The following ABHD5 variants were observed in gnomAD, a reference collection of about 807,000 sequenced individuals.
ABHD5 encodes 1-acylglycerol-3-phosphate O-acyltransferase ABHD5.
In ABHD5, 30 loss-of-function variants were observed where a neutral mutation model predicts 44.9. The observed-to-expected ratio is 0.67, with a 90% confidence interval of 0.50 to 0.91. The LOEUF is 0.91. ABHD5 is among the 40% of genes least tolerant of loss of function. The pLI, the probability that ABHD5 is intolerant of heterozygous loss-of-function variation, is 0.00. For synonymous variants in ABHD5, 167 were observed against 147.0 expected, an observed-to-expected ratio of 1.14 and a Z score of -0.99; for missense variants, 399 against 423.4, an observed-to-expected ratio of 0.94 and a Z score of 0.50.
chr3:43,715,085 C>CTGTGTGTGTGTGTGTGTGTGTG (rs10662733), intron 5 of ABHD5, 27 bp downstream of exon 5: 5 of 846,842 alleles, frequency 5.9e-6, no homozygotes, highest in African/African-American at 1.8e-5. Context: ...TCAATTCACT[C>CTGTGTGTGTGTGTGTGTGTGTG]TGTGTGTGTG....
In ABHD5 at chr3:43,702,916, C is replaced by T. The variant is rs17075884; in HGVS notation, c.506+329C>T. 0.086 allele frequency among the ~76,000 whole-genome samples: 13,119 copies of T among 152,160 alleles called. 791 individuals are homozygous for T. The highest frequency in any genetic ancestry group is 0.21 in the South Asian group (1,033 of 4,820). The stretch of plus-strand genomic sequence containing the variant: ...TTAAACCTATGAATCCAGCAGGCTT[C>T]GTCTAATGTTTTCTAAGTTATAGTA... On this transcript the variant is annotated intron_variant, in intron 3 of 6. Coordinates refer to ENST00000644371, the MANE Select transcript of ABHD5 (RefSeq NM_016006.6).
chr3:43,730,007 G>A (rs1478198877), intron 7 of ABHD5, among the ~76,000 whole-genome samples: 1 of 152,210 alleles, frequency 6.6e-6, no homozygotes, highest in African/African-American at 2.4e-5. Flanking sequence ...GCAGGAGGTG[G>A]CATTTGAAAT....
chr3:43,731,559 C>T (rs1359811715), intron 7 of ABHD5, among the ~76,000 whole-genome samples: 5 of 152,202 alleles, frequency 3.3e-5, no homozygotes, highest in Admixed American at 6.5e-5. Flanking sequence ...GGGCCGGGTG[C>T]GGTGGCTCAC....
rs997016343 is a variant in ABHD5, at chr3:43,719,228, G to A, written c.*696G>A. ...TAACTCCTTGGAACCTCCTATGTGT[G>A]GTATAATTCTACTCTTCCAAGGAAC... On this transcript the variant is annotated 3_prime_UTR_variant, in exon 7 of 7. Transcript: ENST00000644371. 6.6e-6 allele frequency: 1 copy of A among 152,228 alleles called. No homozygotes were observed. Among genetic ancestry groups the A allele is most frequent in the African/African-American group, 2.4e-5 (1 of 41,420 alleles). The allele number at this position is 152,228 out of a possible 1,614,324, so 9.4% of individuals were successfully genotyped here. A position where few individuals can be genotyped will look rare whatever the true frequency, so the allele number is the denominator to read the frequency against.
At chr3:43,708,956 A>G (rs2084655284) in intron 3 of ABHD5, among the ~76,000 whole-genome samples, 1 of 152,248 alleles carries the variant, frequency 6.6e-6, no homozygotes, top group Non-Finnish European at 1.5e-5. Context: ...TATTTTAAAA[A>G]AGACTAGACT....
At chr3:43,700,829 C>T (rs1358833101) in intron 2 of ABHD5, among the ~76,000 whole-genome samples, 1 of 152,146 alleles carries the variant, frequency 6.6e-6, no homozygotes, top group East Asian at 1.9e-4. Context: ...CTGCCTCGGC[C>T]TCCCAAAGTG....
chr3:43,724,177 G>A (rs1036199237), downstream of ABHD5, among the ~76,000 whole-genome samples: 5 of 152,126 alleles, frequency 3.3e-5, no homozygotes, highest in African/African-American at 1.2e-4. Flanking sequence ...AATAGGAAAA[G>A]AGATTGGATA....
downstream of ABHD5, among the ~76,000 whole-genome samples, chr3:43,725,615 T>G (rs1442637369): frequency 1.3e-5 from 2 of 152,170 alleles, no homozygotes; most frequent in Non-Finnish European, 2.9e-5. Flanking sequence ...TTTTAAAAAA[T>G]TAAAATATTG....
chr3:43,724,751 A>C (rs1559422873), downstream of ABHD5, among the ~76,000 whole-genome samples: 1 of 152,202 alleles, frequency 6.6e-6, no homozygotes, highest in East Asian at 1.9e-4. Context: ...CATACAGAAT[A>C]GTGTGTCTAC....
chr3:43,730,656 T>C (rs1247468911), intron 7 of ABHD5, among the ~76,000 whole-genome samples: 2 of 151,900 alleles, frequency 1.3e-5, no homozygotes, highest in East Asian at 3.9e-4. Context: ...TAGGCACATG[T>C]CACCACATCT....
chr3:43,698,907 C>G (rs1575599767), intron 1 of ABHD5, among the ~76,000 whole-genome samples: 1 of 152,322 alleles, frequency 6.6e-6, no homozygotes, highest in East Asian at 1.9e-4. Context: ...TCAAATGAAT[C>G]TACTCCTGGT....
chr3:43,730,906 G>T (rs1367748730), intron 7 of ABHD5, among the ~76,000 whole-genome samples: 1 of 152,022 alleles, frequency 6.6e-6, no homozygotes, highest in Non-Finnish European at 1.5e-5. Context: ...TTGGGTCACT[G>T]CAACCTCTGC....
Position 43,722,006 on chromosome 3 carries a change from A to G in ABHD5, c.*3474A>G, listed in dbSNP as rs2084842554. ...GGAAACAGGCACTCCAAAAATTACAAATCCCTGTGGATGGTATTTGTTAAC... is the reference window on the plus strand; with the variant it reads ...GGAAACAGGCACTCCAAAAATTACAGATCCCTGTGGATGGTATTTGTTAAC... On this transcript the variant is annotated 3_prime_UTR_variant, in exon 7 of 7. Transcript: ENST00000644371. 1 of 152,230 alleles carries G rather than the reference A, an allele frequency of 6.6e-6. No individual in the cohort carries two copies. The highest frequency in any genetic ancestry group is 6.5e-5 in the Admixed American group (1 of 15,288). 9.4% of individuals were successfully genotyped at this position (152,230 alleles called of 1,614,324 possible).
intron 7 of ABHD5, among the ~76,000 whole-genome samples, chr3:43,729,769 C>T (rs2084901365): frequency 1.3e-5 from 2 of 152,134 alleles, no homozygotes; most frequent in African/African-American, 2.4e-5. Flanking sequence ...AGAAGGTGCT[C>T]AAATAAATGT....
downstream of ABHD5, among the ~76,000 whole-genome samples, chr3:43,726,891 A>G (rs916270454): frequency 3.9e-5 from 6 of 152,174 alleles, no homozygotes; most frequent in Admixed American, 6.5e-5. Flanking sequence ...GGAGTGTTCA[A>G]TTGTTTCATT....
At position 43,730,824 on chromosome 3, in the gene ABHD5, TTTTG is replaced by T. The variant is rs543456119; in HGVS notation, c.*30-3040_*30-3037del. Among the ~76,000 whole-genome samples, 14 of 146,786 alleles carry T rather than the reference TTTTG, an allele frequency of 9.5e-5. No homozygotes were observed. The South Asian group carries it at 1.1e-3, about 11-fold the overall frequency. On this transcript the variant is annotated intron_variant, in intron 7 of 7. Transcript: ENST00000454293. ...CCTGGCCTAATCCATTTGTTTGTTT[TTTTG>T]TTTGTTTGTTTGTTTTTTGAGACGG... is the stretch of plus-strand genomic sequence containing the variant.
intron 3 of ABHD5, 100 bp downstream of exon 3, chr3:43,702,687 A>C: frequency 1.3e-6 from 2 of 1,577,018 alleles, no homozygotes; most frequent in Non-Finnish European, 1.7e-6. Flanking sequence ...GCCACAAGGC[A>C]GACATTCTCT....
At chr3:43,726,696 A>C (rs1005153481), downstream of ABHD5, among the ~76,000 whole-genome samples, 11 of 152,184 alleles carry the variant, frequency 7.2e-5, no homozygotes, top group African/African-American at 2.7e-4. Flanking sequence ...TGAGCATGAG[A>C]TGTGGATTGT....
chr3:43,693,053 A>G (rs1217535970), intron 1 of ABHD5, among the ~76,000 whole-genome samples: 1 of 152,172 alleles, frequency 6.6e-6, no homozygotes, highest in Admixed American at 6.6e-5. Flanking sequence ...TTCAGTTGCA[A>G]TACAGTTGAG....
Sources: gnomAD v4.1 joint callset for allele counts (sites outside exome capture counted in the v4.1 genomes callset) on GRCh38, gnomAD v4.1.1 for gene constraint, MANE v1.5 for transcripts, NCBI Gene and HGNC (gene_info 2026-07-23, HGNC 2026-07-21) for gene names.